Variants in EML4 observed in about 807,000 individuals in gnomAD.
EML4 encodes echinoderm microtubule-associated protein-like 4.
In EML4, 72 loss-of-function variants were observed where a neutral mutation model predicts 129.0. The ratio of observed to expected loss-of-function variants is 0.56; its 90% CI spans 0.46 to 0.68. The LOEUF (loss-of-function observed/expected upper bound fraction) is 0.68. Ranked by LOEUF, EML4 falls within the 30% of genes least tolerant of loss-of-function variation. The pLI, the probability that EML4 is intolerant of heterozygous loss-of-function variation, is 0.00. For synonymous variants in EML4, 532 were observed against 405.0 expected (o/e 1.31, Z -3.77); for missense variants, 1,363 against 1,190.6 (o/e 1.14, Z -2.13).
At chr2:42,234,873 A>G (rs1024569178) in intron 1 of EML4, among the ~76,000 whole-genome samples, 1 of 152,242 alleles carries the variant, frequency 6.6e-6, no homozygotes, top group Non-Finnish European at 1.5e-5. Flanking sequence ...ACAATTATCT[A>G]GGCCGGGCAC....
chr2:42,244,599 T>C (rs1378075642), intron 1 of EML4, among the ~76,000 whole-genome samples: 1 of 151,858 alleles, frequency 6.6e-6, no homozygotes, highest in Admixed American at 6.6e-5. Context: ...TTAAGAGAGG[T>C]TGTGGTGTTA....
chr2:42,273,383 T>A lies in EML4; in HGVS notation c.668-7467T>A, dbSNP rs192866451. Among the ~76,000 whole-genome samples, 3 of 152,298 alleles carry A rather than the reference T, an allele frequency of 2.0e-5. No individual in the cohort carries two copies. The East Asian group carries it at 5.8e-4, about 29-fold the overall frequency. On this transcript the variant is annotated intron_variant, in intron 6 of 22. Coordinates refer to ENST00000318522, the MANE Select transcript of EML4 (RefSeq NM_019063.5). ...TAAAATGCTTAAGCAAACTCATGTCTGATATTTTCAAGTAATTTTATGACA... is the reference window on the plus strand; with the variant it reads ...TAAAATGCTTAAGCAAACTCATGTCAGATATTTTCAAGTAATTTTATGACA...
In EML4 at chr2:42,256,646, AG is replaced by A; in HGVS notation, c.338+21del. ...CTGCTAAAAGGTACCCATTTATGAA[AG>A]GGGGAAAAACTAACATTGCAGAATT... On this transcript the variant is annotated intron_variant, in intron 3 of 22. Transcript: ENST00000318522. 1 of 1,612,902 alleles carries A rather than the reference AG, an allele frequency of 6.2e-7. No individual in the cohort carries two copies. Among genetic ancestry groups the A allele is most frequent in the African/African-American group, 1.3e-5 (1 of 75,000 alleles).
At chr2:42,267,313 T>G (rs1040206025) in intron 6 of EML4, among the ~76,000 whole-genome samples, 24 of 152,220 alleles carry the variant, frequency 1.6e-4, no homozygotes, top group African/African-American at 4.8e-4. Flanking sequence ...GTGAGAGTCA[T>G]TGACTGTAAG....
intron 13 of EML4, among the ~76,000 whole-genome samples, chr2:42,297,602 T>G (rs541225954): frequency 6.6e-6 from 1 of 152,250 alleles, no homozygotes; most frequent in South Asian, 2.1e-4. Context: ...TGGGAAGAAT[T>G]TGGTGAGCGC....
chr2:42,226,679 A>AATAAC (rs1673984212), intron 1 of EML4, among the ~76,000 whole-genome samples: 1 of 139,536 alleles, frequency 7.2e-6, no homozygotes, highest in Non-Finnish European at 1.5e-5. Context: ...AATAAAATAA[A>AATAAC]ATAAATAAAA....
intron 1 of EML4, among the ~76,000 whole-genome samples, chr2:42,207,488 G>A (rs1057476199): frequency 5.9e-5 from 9 of 152,122 alleles, no homozygotes; most frequent in Non-Finnish European, 1.2e-4. Flanking sequence ...TGAGTTGTCA[G>A]TTTCTTGCTT....
intron 1 of EML4, among the ~76,000 whole-genome samples, chr2:42,178,215 A>T (rs1641432037): frequency 6.6e-6 from 1 of 152,150 alleles, no homozygotes; most frequent in Admixed American, 6.6e-5. Flanking sequence ...GGGCTAGGGT[A>T]TGTTTACCTT....
intron 2 of EML4, among the ~76,000 whole-genome samples, chr2:42,248,703 A>AT (rs933018804): frequency 2.6e-5 from 4 of 151,906 alleles, no homozygotes; most frequent in Non-Finnish European, 2.9e-5. Flanking sequence ...TTTCCAATTG[A>AT]TTTTTAAATT....
chr2:42,210,526 G>T (rs1011053787), intron 1 of EML4, among the ~76,000 whole-genome samples: 1 of 152,102 alleles, frequency 6.6e-6, no homozygotes, highest in Non-Finnish European at 1.5e-5. Context: ...GTACTCTTTG[G>T]AAGGAAGTCA....
At chr2:42,287,783 A>C (rs1667392464) in intron 10 of EML4, among the ~76,000 whole-genome samples, 1 of 152,168 alleles carries the variant, frequency 6.6e-6, no homozygotes, top group African/African-American at 2.4e-5. Context: ...CAAACTCTAA[A>C]ATAGCCATGA....
In EML4 at chr2:42,329,917, G is replaced by T. The variant is rs377618554; in HGVS notation, c.2656G>T (p.Val886Phe). Residue 886 changes from valine to phenylalanine, a missense_variant, in exon 23 of 23, where the codon GTC (valine) becomes TTC (phenylalanine). Transcript: ENST00000318522. ...VADTTLTKAP[V>F]SSTESVIQSN... ...GGATACTACTCTAACCAAAGCCCCC[G>T]TCTCTTCCACTGAAAGTGTCATCCA... is the stretch of plus-strand genomic sequence containing the variant. 2 of 1,613,856 alleles carry T rather than the reference G, an allele frequency of 1.2e-6. No homozygotes were observed. The highest frequency in any genetic ancestry group is 8.5e-7 in the Non-Finnish European group (1 of 1,179,992).
intron 17 of EML4, among the ~76,000 whole-genome samples, chr2:42,312,970 A>G (rs530823578): frequency 3.8e-4 from 43 of 112,084 alleles, no homozygotes; most frequent in African/African-American, 1.5e-3. Flanking sequence ...TTTTTTTGAG[A>G]TGGAGTCTCG....
intron 1 of EML4, among the ~76,000 whole-genome samples, chr2:42,239,589 TTTC>T (rs1481826980): frequency 3.9e-5 from 6 of 152,242 alleles, no homozygotes; most frequent in African/African-American, 1.4e-4. Context: ...CTTTACTTTT[TTTC>T]TTAATGAGTT....
At chr2:42,183,252 T>A (rs1034338322) in intron 1 of EML4, among the ~76,000 whole-genome samples, 2 of 152,204 alleles carry the variant, frequency 1.3e-5, no homozygotes, top group Non-Finnish European at 1.5e-5. Flanking sequence ...AATATGTCAG[T>A]GAACAAAACA....
At chr2:42,203,222 T>C (rs528810389) in intron 1 of EML4, among the ~76,000 whole-genome samples, 2 of 152,348 alleles carry the variant, frequency 1.3e-5, no homozygotes, top group South Asian at 4.1e-4. Context: ...TAATTATTAT[T>C]TACCAGTTAA....
intron 11 of EML4, among the ~76,000 whole-genome samples, chr2:42,292,426 T>C (rs1013448968): frequency 2.6e-5 from 4 of 152,160 alleles, no homozygotes; most frequent in African/African-American, 9.7e-5. Flanking sequence ...TACAAAAGAT[T>C]ACAATAGAGC....
intron 1 of EML4, among the ~76,000 whole-genome samples, chr2:42,183,119 A>G (rs76471044): frequency 0.033 from 4,969 of 152,226 alleles, 128 homozygotes; most frequent in Non-Finnish European, 0.044. Context: ...CGCACCACTG[A>G]GCTCCAACCT....
chr2:42,315,075 A>G (rs1424224932), intron 17 of EML4, among the ~76,000 whole-genome samples: 2 of 152,150 alleles, frequency 1.3e-5, no homozygotes, highest in Admixed American at 1.3e-4. Context: ...CACCAAATGA[A>G]TGGCTTGCTA....
Sources: gnomAD v4.1 joint callset for allele counts (sites outside exome capture counted in the v4.1 genomes callset) on GRCh38, gnomAD v4.1.1 for gene constraint, MANE v1.5 for transcripts, NCBI Gene and HGNC (gene_info 2026-07-23, HGNC 2026-07-21) for gene names.